The following RNF216 variants were observed in gnomAD, a reference collection of about 807,000 sequenced individuals.
RNF216 encodes the protein E3 ubiquitin-protein ligase RNF216.
RNF216 carries 72 observed loss-of-function variants against 110.8 expected under a neutral mutation model. The observed-to-expected ratio is 0.65, with a 90% CI of 0.54 to 0.79. RNF216 has a LOEUF of 0.79. Among genes scored for constraint, RNF216 ranks in the 30% least tolerant of loss-of-function variants. RNF216 has a pLI of 0.00. For missense variants in RNF216, 1,342 were observed against 1,141.2 expected (o/e 1.18, Z -2.54); for synonymous variants, 495 against 407.5 (o/e 1.21, Z -2.59).
chr7:5,750,707 C>T (rs149439605), intron 3 of RNF216, among the ~76,000 whole-genome samples: 1 of 152,188 alleles, frequency 6.6e-6, no homozygotes, highest in Admixed American at 6.5e-5. Context: ...AACAGCAAAC[C>T]ACATTGGAGC....
intron 13 of RNF216, among the ~76,000 whole-genome samples, chr7:5,686,920 G>C (rs1387256696): frequency 1.3e-5 from 2 of 152,206 alleles, no homozygotes; most frequent in African/African-American, 4.8e-5. Flanking sequence ...TCTGACAGGA[G>C]GCAGAGCTCA....
intron 13 of RNF216, among the ~76,000 whole-genome samples, chr7:5,677,847 G>A (rs753707871): frequency 2.1e-4 from 32 of 152,286 alleles, no homozygotes; most frequent in Non-Finnish European, 4.0e-4. Context: ...AGGGGAAGGA[G>A]GATACTGGAA....
At chr7:5,755,649 T>A (rs1317077646) in intron 2 of RNF216, among the ~76,000 whole-genome samples, 1 of 152,256 alleles carries the variant, frequency 6.6e-6, no homozygotes, top group African/African-American at 2.4e-5. Context: ...TAATTCTTTC[T>A]TGTATATAAT....
At position 5,624,184 on chromosome 7, in the gene RNF216, TG is replaced by T; in HGVS notation, c.2383-60del. 2.0e-6 allele frequency: 3 copies of T among 1,472,382 alleles called. No homozygotes were observed. The South Asian group carries it at 3.5e-5, about 17-fold the overall frequency. 91.2% of individuals were successfully genotyped at this position (1,472,382 alleles called of 1,614,324 possible). ...AGCTTCATGCAGTGCTGAGGCCCCG[TG>T]GGACAGTGAGGAGGCCGCTTGTTGC... On this transcript the variant is annotated intron_variant, in intron 15 of 16. Transcript: ENST00000389902. The surrounding 1 kb of genome is among the most constrained non-coding windows in gnomAD (Gnocchi z 4.4).
intron 13 of RNF216, among the ~76,000 whole-genome samples, chr7:5,707,441 T>C (rs184985887): frequency 3.6e-4 from 55 of 152,326 alleles, no homozygotes; most frequent in Non-Finnish European, 1.5e-4. Flanking sequence ...TGTTTGTTAG[T>C]GTACAGGAAC....
intron 13 of RNF216, among the ~76,000 whole-genome samples, chr7:5,701,989 A>C (rs1452671545): frequency 6.6e-6 from 1 of 152,206 alleles, no homozygotes; most frequent in Non-Finnish European, 1.5e-5. Context: ...AGGGAGCACC[A>C]GGATGTTGTC....
chr7:5,735,523 T>C (rs1277772514), intron 5 of RNF216, among the ~76,000 whole-genome samples: 4 of 152,118 alleles, frequency 2.6e-5, no homozygotes, highest in Admixed American at 1.3e-4. Flanking sequence ...ATTTCATAAC[T>C]GAAAACCAGT....
intron 13 of RNF216, among the ~76,000 whole-genome samples, chr7:5,706,230 A>G (rs1339768335): frequency 1.3e-5 from 2 of 152,112 alleles, no homozygotes; most frequent in Non-Finnish European, 2.9e-5. Context: ...AAAAAAAAAA[A>G]AAAAAAAAAT....
chr7:5,754,119 GGTGTGTGTGTGTGTGT>G (rs10543449), intron 2 of RNF216, among the ~76,000 whole-genome samples: 67 of 142,096 alleles, frequency 4.7e-4, no homozygotes, highest in East Asian at 2.5e-3. Context: ...TCTTTTGTGT[GGTGTGTGTGTGTGTGT>G]GTGTGTGTGT....
In RNF216 at chr7:5,769,423, C is replaced by T. The variant is rs558263166; in HGVS notation, c.-69-8285G>A. On this transcript the variant is annotated intron_variant, in intron 1 of 16. Coordinates refer to ENST00000389902, the MANE Select transcript of RNF216 (RefSeq NM_207111.4). Reference sequence around the variant, plus strand: ...GAGCCACCGCGCCTGGCCGCAAATGCCTTATTTTAAACAAAGAGGCTGGGC... The same window carrying T: ...GAGCCACCGCGCCTGGCCGCAAATGTCTTATTTTAAACAAAGAGGCTGGGC... 7.7e-4 allele frequency among the ~76,000 whole-genome samples: 117 copies of T among 151,424 alleles called. 2 individuals are homozygous for T. In the Middle Eastern group the frequency reaches 0.017, roughly 22 times the overall value.
intron 2 of RNF216, among the ~76,000 whole-genome samples, chr7:5,756,228 G>A (rs1384056661): frequency 2.0e-5 from 3 of 152,140 alleles, no homozygotes; most frequent in Non-Finnish European, 2.9e-5. Context: ...CTTTCGCCAT[G>A]ACAGTAATTT....
At chr7:5,775,197 G>T (rs1796708036) in intron 1 of RNF216, 2 of 152,076 alleles carry the variant, frequency 1.3e-5, no homozygotes, top group Non-Finnish European at 2.9e-5. Flanking sequence ...ACAACAATTA[G>T]GATTTTCTTC....
rs1786439132 is a variant in RNF216, at chr7:5,622,614, T to C, written c.*246A>G. On this transcript the variant is annotated 3_prime_UTR_variant, in exon 17 of 17. Coordinates refer to ENST00000389902, the MANE Select transcript of RNF216 (RefSeq NM_207111.4). ...GGACTGCCGTTGGTGGCCTGGGGGA[T>C]GCGAGGGGAGGGGCAGTTCACATCG... is the stretch of plus-strand genomic sequence containing the variant. 1 of 496,936 alleles carries C rather than the reference T, an allele frequency of 2.0e-6. No individual in the cohort carries two copies. 30.8% of individuals were successfully genotyped at this position (496,936 alleles called of 1,614,324 possible).
intron 1 of RNF216, among the ~76,000 whole-genome samples, chr7:5,769,263 G>T (rs568656584): frequency 6.6e-6 from 1 of 151,744 alleles, no homozygotes; most frequent in Non-Finnish European, 1.5e-5. Context: ...GACTACAGGC[G>T]TGCGCCACCA....
intron 13 of RNF216, among the ~76,000 whole-genome samples, chr7:5,690,810 C>T (rs1047051416): frequency 2.0e-5 from 3 of 152,292 alleles, no homozygotes; most frequent in South Asian, 4.1e-4. Flanking sequence ...GATGTACACA[C>T]GCATGTTCTG....
chr7:5,626,977 G>A (rs981812775), intron 15 of RNF216, among the ~76,000 whole-genome samples: 1 of 152,086 alleles, frequency 6.6e-6, no homozygotes, highest in Non-Finnish European at 1.5e-5. Context: ...CCTCACTCTG[G>A]TCCGTTACTA....
At chr7:5,660,151 C>G (rs1789010610) in intron 13 of RNF216, among the ~76,000 whole-genome samples, 3 of 150,184 alleles carry the variant, frequency 2.0e-5, no homozygotes, top group African/African-American at 7.3e-5. Context: ...ACAGGTATTG[C>G]TATGTTTCCC....
chr7:5,691,243 C>T (rs138412054), intron 13 of RNF216, among the ~76,000 whole-genome samples: 7 of 152,350 alleles, frequency 4.6e-5, no homozygotes, highest in African/African-American at 1.2e-4. Context: ...AGCCACCTGA[C>T]ACCTCGCCAC....
rs1795674999 is a variant in RNF216, at chr7:5,756,934, C to A, written c.68-3955G>T. Among the ~76,000 whole-genome samples, 3 of 152,184 alleles carry A rather than the reference C, an allele frequency of 2.0e-5. No individual in the cohort carries two copies. The South Asian group carries it at 6.2e-4, about 32-fold the overall frequency. ...TACAAGCATGAGCCACTGCGCCTGG[C>A]TGAGCTTTTTACTTCTTGTCTAATG... On this transcript the variant is annotated intron_variant, in intron 2 of 16. Transcript: ENST00000389902.
Sources: gnomAD v4.1 joint callset for allele counts (sites outside exome capture counted in the v4.1 genomes callset) on GRCh38, gnomAD v4.1.1 for gene constraint, Gnocchi (gnomAD v3.1) non-coding constraint, MANE v1.5 for transcripts, NCBI Gene and HGNC (gene_info 2026-07-23, HGNC 2026-07-21) for gene names.